The following OPCML variants were observed in gnomAD, a reference collection of about 807,000 sequenced individuals.
OPCML encodes opioid binding protein/cell adhesion molecule like, also known as opioid-binding protein/cell adhesion molecule.
Under a neutral mutation model 37.8 loss-of-function variants are expected in OPCML, and 13 were observed. The observed-to-expected ratio is 0.34, with a 90% confidence interval of 0.22 to 0.55. The LOEUF (loss-of-function observed/expected upper bound fraction) is 0.55, where lower values mean the gene tolerates loss of function less well. Among genes scored for constraint, OPCML ranks in the 20% least tolerant of loss-of-function variants. The pLI is 0.91. For synonymous variants in OPCML, 176 were observed against 168.8 expected, an observed-to-expected ratio of 1.04 and a Z score of -0.33; for missense variants, 341 against 435.6, an observed-to-expected ratio of 0.78 and a Z score of 1.93.
intron 2 of OPCML, among the ~76,000 whole-genome samples, chr11:132,784,862 G>T (rs1055792707): frequency 3.9e-5 from 6 of 152,146 alleles, no homozygotes; most frequent in Non-Finnish European, 8.8e-5. Flanking sequence ...GTTCTCACCA[G>T]AAGCAGATGC....
At chr11:132,715,931 A>C (rs983489677) in intron 2 of OPCML, among the ~76,000 whole-genome samples, 3 of 152,320 alleles carry the variant, frequency 2.0e-5, no homozygotes, top group African/African-American at 7.2e-5. Flanking sequence ...GCTCGATAGA[A>C]GGCATGTTTT....
chr11:132,656,517 C>A (rs1434515754), intron 3 of OPCML, among the ~76,000 whole-genome samples: 1 of 152,126 alleles, frequency 6.6e-6, no homozygotes, highest in East Asian at 1.9e-4. Context: ...CTAACATTAA[C>A]CTGCAGATAT....
chr11:133,481,363 G>T (rs1401422637), intron 1 of OPCML, among the ~76,000 whole-genome samples: 4 of 151,958 alleles, frequency 2.6e-5, no homozygotes, highest in Admixed American at 2.6e-4. Context: ...CTGATCAATG[G>T]CCACACAGCT....
chr11:133,472,233 C>G (rs976657234), intron 1 of OPCML, among the ~76,000 whole-genome samples: 3 of 152,156 alleles, frequency 2.0e-5, no homozygotes, highest in African/African-American at 7.2e-5. Context: ...CCGGGCCAAG[C>G]CTTTGCCTGG....
intron 1 of OPCML, chr11:133,026,674 C>G: frequency 1.3e-6 from 1 of 744,830 alleles, no homozygotes. Context: ...TCCTACAGCT[C>G]TTACGATAAG....
chr11:132,583,779 A>C (rs2096466846), intron 3 of OPCML, among the ~76,000 whole-genome samples: 1 of 151,786 alleles, frequency 6.6e-6, no homozygotes, highest in Admixed American at 6.6e-5. Flanking sequence ...ATGCCCAGCT[A>C]ATTTTTGTGT....
chr11:132,424,848 G>A (rs925556666), intron 7 of OPCML, among the ~76,000 whole-genome samples: 4 of 152,198 alleles, frequency 2.6e-5, no homozygotes, highest in Admixed American at 2.6e-4. Context: ...TTTCTTAGTG[G>A]AGACTAATAC....
intron 2 of OPCML, among the ~76,000 whole-genome samples, chr11:132,703,392 G>A (rs1410159883): frequency 6.6e-6 from 1 of 152,192 alleles, no homozygotes; most frequent in Non-Finnish European, 1.5e-5. Context: ...TGACCAAAAT[G>A]TTGCTGTCCA....
At chr11:132,986,151 C>T (rs1946678834) in intron 1 of OPCML, among the ~76,000 whole-genome samples, 1 of 152,086 alleles carries the variant, frequency 6.6e-6, no homozygotes, top group Non-Finnish European at 1.5e-5. Flanking sequence ...TGGAAATACC[C>T]ATAAAACCTC....
intron 2 of OPCML, among the ~76,000 whole-genome samples, chr11:132,928,677 C>T (rs184808888): frequency 1.4e-3 from 218 of 152,044 alleles, no homozygotes; most frequent in African/African-American, 5.1e-3. Context: ...ACATTTTTCT[C>T]AAGTGGACAT....
intron 2 of OPCML, among the ~76,000 whole-genome samples, chr11:132,671,574 G>A (rs994150620): frequency 4.6e-5 from 7 of 152,096 alleles, no homozygotes; most frequent in African/African-American, 1.7e-4. Context: ...AGTCTGACCC[G>A]AAGGTAACCT....
At chr11:133,408,099 T>G (rs1274687656) in intron 1 of OPCML, among the ~76,000 whole-genome samples, 2 of 152,084 alleles carry the variant, frequency 1.3e-5, no homozygotes, top group Non-Finnish European at 2.9e-5. Flanking sequence ...AATTTTACCA[T>G]AGGCTAAATG....
chr11:132,642,936 C>T (rs1478087042), intron 3 of OPCML, among the ~76,000 whole-genome samples: 1 of 152,092 alleles, frequency 6.6e-6, no homozygotes, highest in Non-Finnish European at 1.5e-5. Flanking sequence ...GAATATACCT[C>T]AAAATTAGAG....
intron 1 of OPCML, among the ~76,000 whole-genome samples, chr11:133,129,026 C>A (rs1434661030): frequency 6.6e-6 from 1 of 152,112 alleles, no homozygotes; most frequent in Non-Finnish European, 1.5e-5. Context: ...AGCTGGAAAA[C>A]AAAGTAAACC....
At chr11:132,772,657 T>A (rs1823977684) in intron 2 of OPCML, 4 of 152,272 alleles carry the variant, frequency 2.6e-5, no homozygotes. Context: ...TCTATCCTCT[T>A]CTCACCCCTG....
rs544986750 is a variant in OPCML, at chr11:133,085,428, G to C, written c.62-142418C>G. ...CCCCACACCAGACACTAAGCTCTTTGAGATCAATGGTGGTGTTTTCTTTAT... is the reference window on the plus strand; with the variant it reads ...CCCCACACCAGACACTAAGCTCTTTCAGATCAATGGTGGTGTTTTCTTTAT... On this transcript the variant is annotated intron_variant, in intron 1 of 7. Coordinates refer to ENST00000524381, the MANE Select transcript of OPCML (RefSeq NM_001012393.5). Among the ~76,000 whole-genome samples the C allele has an allele frequency of 2.0e-5, 3 of 152,286 alleles. No individual in the cohort carries two copies. The South Asian group carries it at 6.2e-4, about 32-fold the overall frequency.
intron 1 of OPCML, among the ~76,000 whole-genome samples, chr11:133,337,958 G>C (rs1031444346): frequency 6.6e-6 from 1 of 151,690 alleles, no homozygotes; most frequent in South Asian, 2.1e-4. Flanking sequence ...TTCAGCTCCC[G>C]TGCCCAGCCC....
At chr11:132,817,848 G>A (rs1183413588) in intron 2 of OPCML, among the ~76,000 whole-genome samples, 2 of 151,998 alleles carry the variant, frequency 1.3e-5, no homozygotes, top group South Asian at 2.1e-4. Context: ...ATATCAATGC[G>A]AAGAGTATTT....
At chr11:133,282,758 C>T (rs1384789199) in intron 1 of OPCML, among the ~76,000 whole-genome samples, 2 of 152,200 alleles carry the variant, frequency 1.3e-5, no homozygotes, top group East Asian at 3.9e-4. Flanking sequence ...CCCTGCAAAG[C>T]CACAGGAGCA....
Sources: gnomAD v4.1 joint callset for allele counts (sites outside exome capture counted in the v4.1 genomes callset) on GRCh38, gnomAD v4.1.1 for gene constraint, MANE v1.5 for transcripts, NCBI Gene and HGNC (gene_info 2026-07-23, HGNC 2026-07-21) for gene names.